Variants in PTCHD4 observed in about 807,000 individuals in gnomAD.
PTCHD4 encodes patched domain containing 4.
Under a neutral mutation model 58.1 loss-of-function variants are expected in PTCHD4, and 33 were observed. That is an observed-to-expected ratio of 0.57 (90% CI 0.43 to 0.76). The LOEUF (loss-of-function observed/expected upper bound fraction) is 0.76. Among genes scored for constraint, PTCHD4 ranks in the 30% least tolerant of loss-of-function variants. PTCHD4 has a pLI of 0.00. For missense variants in PTCHD4, 1,058 were observed against 1,027.1 expected (o/e 1.03, Z -0.41); for synonymous variants, 478 against 409.6 (o/e 1.17, Z -2.02).
intron 4 of PTCHD4, among the ~76,000 whole-genome samples, chr6:47,947,615 T>C (rs141191099): frequency 1.3e-5 from 2 of 152,330 alleles, no homozygotes; most frequent in African/African-American, 4.8e-5. Context: ...AAGATAATTG[T>C]ATTCTACCAT....
At chr6:48,098,889 T>C (rs1220654718) in intron 1 of PTCHD4, among the ~76,000 whole-genome samples, 1 of 152,058 alleles carries the variant, frequency 6.6e-6, no homozygotes, top group Non-Finnish European at 1.5e-5. Context: ...TTAAGTATTA[T>C]ACCAAAAAAG....
intron 4 of PTCHD4, among the ~76,000 whole-genome samples, chr6:47,975,446 C>A (rs899257210): frequency 6.6e-6 from 1 of 152,096 alleles, no homozygotes; most frequent in African/African-American, 2.4e-5. Flanking sequence ...ATGTGTAGAA[C>A]GTGCAGGTCT....
intron 4 of PTCHD4, among the ~76,000 whole-genome samples, chr6:47,967,763 T>C (rs1169571174): frequency 6.6e-6 from 1 of 152,192 alleles, no homozygotes; most frequent in Non-Finnish European, 1.5e-5. Flanking sequence ...ATGAATCAAC[T>C]TTTGCTAGCT....
At chr6:48,015,657 C>T (rs1302270889) in intron 3 of PTCHD4, among the ~76,000 whole-genome samples, 5 of 152,096 alleles carry the variant, frequency 3.3e-5, no homozygotes, top group Non-Finnish European at 7.4e-5. Flanking sequence ...GCCTTCCTTG[C>T]AATCATTCTA....
intron 4 of PTCHD4, among the ~76,000 whole-genome samples, chr6:47,916,646 C>T (rs1008223441): frequency 6.6e-6 from 1 of 150,734 alleles, no homozygotes; most frequent in African/African-American, 2.5e-5. Context: ...TTCAGACACA[C>T]ACATACACAC....
intron 3 of PTCHD4, among the ~76,000 whole-genome samples, chr6:48,051,725 C>T (rs1194026303): frequency 6.6e-6 from 1 of 151,914 alleles, no homozygotes; most frequent in African/African-American, 2.4e-5. Flanking sequence ...TTGCAGAGAG[C>T]AGCTCTCCAT....
intron 1 of PTCHD4, among the ~76,000 whole-genome samples, chr6:48,093,248 C>T (rs1765401544): frequency 6.6e-6 from 1 of 152,124 alleles, no homozygotes; most frequent in Admixed American, 6.5e-5. Flanking sequence ...CTACTTCAAA[C>T]CCCTTCATTT....
intron 4 of PTCHD4, among the ~76,000 whole-genome samples, chr6:47,982,630 A>G (rs1264090700): frequency 6.6e-6 from 1 of 152,034 alleles, no homozygotes; most frequent in Non-Finnish European, 1.5e-5. Context: ...CTGGGACTAC[A>G]GGCGCCCGCC....
intron 4 of PTCHD4, among the ~76,000 whole-genome samples, chr6:47,896,780 G>A (rs576307525): frequency 6.6e-5 from 10 of 152,152 alleles, no homozygotes; most frequent in Non-Finnish European, 1.2e-4. Context: ...TGTGAGGCAG[G>A]CATATTACAC....
intron 4 of PTCHD4, among the ~76,000 whole-genome samples, chr6:47,966,669 C>T (rs1767308089): frequency 6.6e-6 from 1 of 152,184 alleles, no homozygotes; most frequent in African/African-American, 2.4e-5. Flanking sequence ...TATTCTAAAT[C>T]CTTTGTTGTC....
intron 4 of PTCHD4, among the ~76,000 whole-genome samples, chr6:47,881,929 G>T (rs1207463780): frequency 6.6e-6 from 1 of 152,020 alleles, no homozygotes; most frequent in Non-Finnish European, 1.5e-5. Flanking sequence ...TTAGGAAAAG[G>T]CACGTTTTTT....
chr6:48,075,810 C>T (rs76473180), intron 1 of PTCHD4, among the ~76,000 whole-genome samples: 1 of 152,192 alleles, frequency 6.6e-6, no homozygotes, highest in African/African-American at 2.4e-5. Context: ...AAGTTGTAAT[C>T]TTTTTGCTGG....
chr6:47,913,053 A>G (rs1218579464), intron 4 of PTCHD4, among the ~76,000 whole-genome samples: 1 of 152,084 alleles, frequency 6.6e-6, no homozygotes, highest in Non-Finnish European at 1.5e-5. Context: ...CCCCAATTTT[A>G]CAGTTTGTAT....
chr6:48,046,513 G>A (rs1020010139), intron 3 of PTCHD4, among the ~76,000 whole-genome samples: 2 of 151,724 alleles, frequency 1.3e-5, no homozygotes, highest in African/African-American at 2.4e-5. Flanking sequence ...ACCTTTTAAT[G>A]TTAGTTATAA....
In PTCHD4 at chr6:48,022,251, C is replaced by T. The variant is rs577583805; in HGVS notation, c.418-13137G>A. Among the ~76,000 whole-genome samples, 36 of 151,682 alleles carry T rather than the reference C, an allele frequency of 2.4e-4. No individual in the cohort carries two copies. The South Asian group carries it at 7.1e-3, about 30-fold the overall frequency. On this transcript the variant is annotated intron_variant, in intron 3 of 4. Coordinates refer to ENST00000339488, the MANE Select transcript of PTCHD4 (RefSeq NM_001384253.1). Reference sequence around the variant, plus strand: ...TCCCTGTTTTCCTCCTCTTTCCTCTCTCATCTCTCTCCTTCCTTTATTTGA... The same window carrying T: ...TCCCTGTTTTCCTCCTCTTTCCTCTTTCATCTCTCTCCTTCCTTTATTTGA...
At chr6:48,100,241 G>T (rs1451311996) in intron 1 of PTCHD4, among the ~76,000 whole-genome samples, 2 of 152,058 alleles carry the variant, frequency 1.3e-5, no homozygotes, top group African/African-American at 2.4e-5. Context: ...TAGAAAAATA[G>T]GTATATCTTC....
At chr6:48,044,980 A>T (rs1359429762) in intron 3 of PTCHD4, among the ~76,000 whole-genome samples, 1 of 151,776 alleles carries the variant, frequency 6.6e-6, no homozygotes, top group African/African-American at 2.4e-5. Context: ...GCAATCCCAC[A>T]CATTACAGAA....
intron 4 of PTCHD4, among the ~76,000 whole-genome samples, chr6:47,904,287 T>C (rs546558631): frequency 5.6e-4 from 85 of 152,330 alleles, no homozygotes; most frequent in African/African-American, 2.0e-3. Context: ...ACAGATGTGT[T>C]ATCTAAAGCT....
intron 1 of PTCHD4, among the ~76,000 whole-genome samples, chr6:48,108,611 A>T (rs928238390): frequency 2.0e-5 from 3 of 151,892 alleles, no homozygotes; most frequent in Admixed American, 6.5e-5. Flanking sequence ...ATAATAATAA[A>T]AAAATAAATA....
Sources: gnomAD v4.1 joint callset for allele counts (sites outside exome capture counted in the v4.1 genomes callset) on GRCh38, gnomAD v4.1.1 for gene constraint, MANE v1.5 for transcripts, NCBI Gene and HGNC (gene_info 2026-07-23, HGNC 2026-07-21) for gene names.